Variants in LUC7L2 observed in about 807,000 individuals in gnomAD.
LUC7L2 encodes the protein LUC7 like 2, pre-mRNA splicing factor.
LUC7L2 carries 25 observed loss-of-function variants against 52.8 expected under a neutral mutation model. The observed-to-expected ratio is 0.47, with a 90% CI of 0.34 to 0.66. The LOEUF is 0.66. Among genes scored for constraint, LUC7L2 ranks in the 30% least tolerant of loss-of-function variants. The pLI is 0.01. For synonymous variants in LUC7L2, 144 were observed against 160.9 expected (o/e 0.89, Z 0.80); for missense variants, 328 against 497.8 (o/e 0.66, Z 3.25).
chr7:139,412,693 T>C, intron 8 of LUC7L2, 113 bp downstream of exon 8: 1 of 1,259,452 alleles, frequency 7.9e-7, no homozygotes, highest in Non-Finnish European at 1.1e-6. Context: ...CTGGGCACGG[T>C]GATGCATGCT....
At position 139,423,049 on chromosome 7, in the gene LUC7L2, ACT is replaced by A. The variant is rs1795965532; in HGVS notation, c.*712_*713del. On this transcript the variant is annotated 3_prime_UTR_variant, in exon 10 of 10. Coordinates refer to ENST00000354926, the MANE Select transcript of LUC7L2 (RefSeq NM_016019.5). Reference sequence around the variant, plus strand: ...GATGTTCTAGGGGGTGGGGGCAGGGACTCTTTTCGTAATAAGCACTTGTTTTA... The same window carrying A: ...GATGTTCTAGGGGGTGGGGGCAGGGACTTTTCGTAATAAGCACTTGTTTTA... 2.5e-6 allele frequency: 1 copy of A among 398,626 alleles called. No individual in the cohort carries two copies. Among genetic ancestry groups the A allele is most frequent in the Non-Finnish European group, 4.4e-6 (1 of 225,984 alleles). The allele number at this position is 398,626 out of a possible 1,614,324, so 24.7% of individuals were successfully genotyped here.
chr7:139,414,402 A>AG (rs1194599689), intron 8 of LUC7L2, among the ~76,000 whole-genome samples: 15 of 152,272 alleles, frequency 9.9e-5, no homozygotes, highest in Admixed American at 1.3e-4. Context: ...TAATATTTTA[A>AG]GAAAGTTTAC....
intron 1 of LUC7L2, among the ~76,000 whole-genome samples, chr7:139,349,723 G>C (rs1041347467): frequency 6.7e-6 from 1 of 150,106 alleles, no homozygotes; most frequent in African/African-American, 2.5e-5. Context: ...GCTACTACCC[G>C]CTGTTCCTCT....
At chr7:139,400,713 T>G (rs1359735429) in intron 3 of LUC7L2, among the ~76,000 whole-genome samples, 1 of 152,164 alleles carries the variant, frequency 6.6e-6, no homozygotes, top group African/African-American at 2.4e-5. Context: ...CATAGCTACT[T>G]AGTCACCCAA....
chr7:139,355,904 A>C (rs1250786101), upstream of LUC7L2, among the ~76,000 whole-genome samples: 1 of 152,266 alleles, frequency 6.6e-6, no homozygotes, highest in Non-Finnish European at 1.5e-5. Flanking sequence ...TTGTTCAATG[A>C]GTCCATAATG....
intron 1 of LUC7L2, chr7:139,340,674 G>A (rs1423450786): frequency 7.6e-6 from 3 of 394,934 alleles, no homozygotes; most frequent in Non-Finnish European, 8.9e-6. Context: ...AGTTGAATAT[G>A]TTGTGTGAGC....
intron 2 of LUC7L2, among the ~76,000 whole-genome samples, chr7:139,389,384 T>TC (rs965136841): frequency 3.3e-5 from 5 of 152,154 alleles, no homozygotes; most frequent in Admixed American, 2.6e-4. Flanking sequence ...CATCCCCTTT[T>TC]CCCCCCATCA....
At chr7:139,371,589 G>A in intron 1 of LUC7L2, 1 of 1,196,794 alleles carries the variant, frequency 8.4e-7, no homozygotes. Context: ...TGGGAAGATA[G>A]CATGCAAAGT....
chr7:139,389,325 A>G (rs1173469113), intron 2 of LUC7L2, among the ~76,000 whole-genome samples: 6 of 152,150 alleles, frequency 3.9e-5, no homozygotes, highest in Admixed American at 3.9e-4. Flanking sequence ...CTCTTTCACC[A>G]TCTAGTCAGA....
At chr7:139,400,212 TAATCCCAGCACTG>T (rs1305792238) in intron 3 of LUC7L2, among the ~76,000 whole-genome samples, 3 of 152,118 alleles carry the variant, frequency 2.0e-5, no homozygotes, top group Admixed American at 1.3e-4. Flanking sequence ...TGGTGGCTCG[TAATCCCAGCACTG>T]TAATCCCAGC....
chr7:139,356,756 A>C (rs958805953), upstream of LUC7L2, among the ~76,000 whole-genome samples: 1 of 152,132 alleles, frequency 6.6e-6, no homozygotes, highest in Non-Finnish European at 1.5e-5. Context: ...GCAGTATTCG[A>C]ATTTTTGTGA....
intron 2 of LUC7L2, among the ~76,000 whole-genome samples, chr7:139,384,814 G>A (rs181754556): frequency 1.7e-4 from 26 of 152,106 alleles, no homozygotes; most frequent in Non-Finnish European, 3.4e-4. Flanking sequence ...GCTATTTGTA[G>A]GAGCAATCAT....
intron 9 of LUC7L2, 99 bp from the exon 10 acceptor site, chr7:139,422,064 T>G (rs1268648091): frequency 1.8e-5 from 26 of 1,465,618 alleles, no homozygotes; most frequent in Non-Finnish European, 9.0e-7. Flanking sequence ...TATTCGTCTA[T>G]ATATCTTCAG....
intron 1 of LUC7L2, among the ~76,000 whole-genome samples, chr7:139,342,034 G>A (rs1020703987): frequency 2.0e-5 from 3 of 152,152 alleles, no homozygotes; most frequent in Non-Finnish European, 2.9e-5. Flanking sequence ...GAGCAATGTG[G>A]GGAAAGGGAG....
rs546739750 is a variant in LUC7L2, at chr7:139,412,436, C to T, written c.780-115C>T. 106 of 1,300,142 alleles carry T rather than the reference C, an allele frequency of 8.2e-5. 1 individual carries two copies. In the South Asian group the frequency reaches 1.5e-3, roughly 18 times the overall value. The allele number at this position is 1,300,142 out of a possible 1,614,324, so 80.5% of individuals were successfully genotyped here. A position where few individuals can be genotyped will look rare whatever the true frequency, so the allele number is the denominator to read the frequency against. On this transcript the variant is annotated intron_variant, in intron 7 of 9. Transcript: ENST00000354926. ...AAAATTTTGTGTGCGTAGGTACACG[C>T]CTTGTATTTATAAAATTAATGTAAA...
At chr7:139,349,666 C>T (rs1215306733) in intron 1 of LUC7L2, among the ~76,000 whole-genome samples, 1 of 145,480 alleles carries the variant, frequency 6.9e-6, no homozygotes, top group African/African-American at 2.5e-5. Context: ...ATGCTTAAGA[C>T]TTTTCCTTCT....
intron 6 of LUC7L2, among the ~76,000 whole-genome samples, chr7:139,408,581 C>T (rs535533238): frequency 3.3e-5 from 5 of 152,288 alleles, no homozygotes; most frequent in South Asian, 2.1e-4. Context: ...CAGTGGCTCA[C>T]GCCTGTAATC....
rs771036101 is a variant in LUC7L2, at chr7:139,409,574, T to A, written c.699T>A (p.Ala233=). 6.2e-7 allele frequency: 1 copy of A among 1,609,316 alleles called. No individual in the cohort carries two copies. The highest frequency in any genetic ancestry group is 1.7e-5 in the Admixed American group (1 of 59,448). ...EKLEELKRVV[A]EKQEKRNQER... Reference sequence around the variant, plus strand: ...TTACTGTTTTTAAGAGAGTCGTAGCTGAGAAGCAGGAGAAAAGAAACCAGG... The same window carrying A: ...TTACTGTTTTTAAGAGAGTCGTAGCAGAGAAGCAGGAGAAAAGAAACCAGG... The change falls in exon 7 of 10, where the codon GCT becomes GCA. Residue 233 remains alanine (A), a synonymous_variant. Coordinates refer to ENST00000354926, the MANE Select transcript of LUC7L2 (RefSeq NM_016019.5).
At chr7:139,361,556 A>C (rs1003514390) in intron 1 of LUC7L2, among the ~76,000 whole-genome samples, 1 of 152,200 alleles carries the variant, frequency 6.6e-6, no homozygotes, top group Non-Finnish European at 1.5e-5. Flanking sequence ...GGGAACTTTT[A>C]TTTGTAGAAT....
Sources: gnomAD v4.1 joint callset for allele counts (sites outside exome capture counted in the v4.1 genomes callset) on GRCh38, gnomAD v4.1.1 for gene constraint, MANE v1.5 for transcripts, NCBI Gene and HGNC (gene_info 2026-07-23, HGNC 2026-07-21) for gene names.